APOBEC3C: variants seen among roughly 807,000 people sequenced by gnomAD.
APOBEC3C encodes the protein apolipoprotein B mRNA editing enzyme catalytic subunit 3C.
APOBEC3C carries 14 observed loss-of-function variants against 20.6 expected under a neutral mutation model. That is an observed-to-expected ratio of 0.68 (90% CI 0.45 to 1.06). The LOEUF (loss-of-function observed/expected upper bound fraction) is 1.06, where lower values mean the gene tolerates loss of function less well. Ranked by LOEUF, APOBEC3C falls within the 50% of genes least tolerant of loss-of-function variation. The pLI is 0.00. For synonymous variants in APOBEC3C, 98 were observed against 88.8 expected (o/e 1.10, Z -0.58); for missense variants, 244 against 241.9 (o/e 1.01, Z -0.06).
Position 39,017,853 on chromosome 22 carries a change from G to T in APOBEC3C, c.262G>T (p.Val88Phe). 6.2e-7 allele frequency: 1 copy of T among 1,614,120 alleles called. No homozygotes were observed. The highest frequency in any genetic ancestry group is 8.5e-7 in the Non-Finnish European group (1 of 1,180,008). ...ACTGTCTCCTAACACAAAGTACCAG[G>T]TCACCTGGTACACATCTTGGAGCCC... ...DILSPNTKYQ[V>F]TWYTSWSPCP... Residue 88 changes from valine to phenylalanine, a missense_variant, in exon 3 of 4, where the codon GTC (valine) becomes TTC (phenylalanine). Val to Phe is a conservative substitution (Grantham distance 50, BLOSUM62 -1). Coordinates refer to ENST00000361441, the MANE Select transcript of APOBEC3C (RefSeq NM_014508.3).
chr22:39,015,092 G>C (rs1924733232), intron 1 of APOBEC3C, among the ~76,000 whole-genome samples: 1 of 152,158 alleles, frequency 6.6e-6, no homozygotes. Flanking sequence ...GTGGTCAGGA[G>C]TTTGAGACCA....
intron 1 of APOBEC3C, among the ~76,000 whole-genome samples, chr22:39,015,293 TAAAAAAAA>T (rs531167782): frequency 7.6e-6 from 1 of 131,964 alleles, no homozygotes; most frequent in African/African-American, 2.7e-5. Context: ...ATGCCGTCTT[TAAAAAAAA>T]AAAAAAAAAA....
Position 39,017,781 on chromosome 22 carries a change from C to T in APOBEC3C, c.190C>T (p.His64Tyr), listed in dbSNP as rs1691299704. ...VFRNQVDSET[H>Y]CHAERCFLSW... The stretch of plus-strand genomic sequence containing the variant: ...CCTTCGCCAGGTGGATTCTGAGACC[C>T]ATTGTCATGCAGAAAGGTGCTTCCT... The change falls in exon 3 of 4, where the codon CAT (histidine) becomes TAT (tyrosine). Residue 64 changes from histidine (H) to tyrosine (Y), a missense_variant. Transcript: ENST00000361441. The T allele has an allele frequency of 1.1e-5, 18 of 1,613,360 alleles. No homozygotes were observed. The highest frequency in any genetic ancestry group is 1.4e-5 in the Non-Finnish European group (16 of 1,179,320).
rs754698211 is a variant in APOBEC3C, at chr22:39,019,899, G to A, written c.*1512G>A. 7.5e-6 allele frequency: 1 copy of A among 133,298 alleles called. No homozygotes were observed. The highest frequency in any genetic ancestry group is 1.5e-5 in the Non-Finnish European group (1 of 65,252). The allele number at this position is 133,298 out of a possible 1,614,324, so 8.3% of individuals were successfully genotyped here. On this transcript the variant is annotated 3_prime_UTR_variant, in exon 4 of 4. Transcript: ENST00000361441. ...GGACTCACTGCAACCTCCGCCTCCC[G>A]AGTTTAAGCGATTCTTCTGCTTCAG...
intron 2 of APOBEC3C, among the ~76,000 whole-genome samples, chr22:39,016,222 C>T (rs1401876503): frequency 7.4e-5 from 3 of 40,594 alleles, no homozygotes; most frequent in Admixed American, 5.6e-4. Context: ...TATTTTGAGA[C>T]GGAGTCTTGC....
rs201889908 is a variant in APOBEC3C, at chr22:39,018,349, C to A, written c.535C>A (p.Arg179=). The part of the protein sequence containing the change: ...KPWKGLKTNF[R]LLKRRLRESL... ...TTGGAAGGGATTAAAAACCAACTTT[C>A]GACTTCTGAAAAGAAGGCTACGGGA... Residue 179 remains arginine, a synonymous_variant, in exon 4 of 4, where the codon CGA becomes AGA. Transcript: ENST00000361441. 55 of 1,614,110 alleles carry A rather than the reference C, an allele frequency of 3.4e-5. No homozygotes were observed. The East Asian group carries it at 9.1e-4, about 27-fold the overall frequency.
rs1160911095 is a variant in APOBEC3C, at chr22:39,018,497, C to T, written c.*110C>T. 58 of 1,322,578 alleles carry T rather than the reference C, an allele frequency of 4.4e-5. No homozygotes were observed. The East Asian group carries it at 1.3e-3, about 29-fold the overall frequency. 81.9% of individuals were successfully genotyped at this position (1,322,578 alleles called of 1,614,324 possible). On this transcript the variant is annotated 3_prime_UTR_variant, in exon 4 of 4. Transcript: ENST00000361441. The stretch of plus-strand genomic sequence containing the variant: ...GTTTCTGCCTGGTCATCCTGAGCCC[C>T]TCCTGGCCTCAGGGCCATTCCACAG...
At chr22:39,014,877 TCCA>T (rs1924726740) in intron 1 of APOBEC3C, among the ~76,000 whole-genome samples, 1 of 152,158 alleles carries the variant, frequency 6.6e-6, no homozygotes, top group African/African-American at 2.4e-5. Flanking sequence ...CAAAGATGCC[TCCA>T]CTGTGAGCAG....
chr22:39,014,372 C>G lies in APOBEC3C; in HGVS notation c.10C>G (p.Gln4Glu). The G allele has an allele frequency of 6.2e-7, 1 of 1,614,208 alleles. No homozygotes were observed. Among genetic ancestry groups the G allele is most frequent in the Non-Finnish European group, 8.5e-7 (1 of 1,180,028 alleles). Reference sequence around the variant, plus strand: ...ATCTAAGAGGCTGAACATGAATCCACAGATCAGGTACCTCTGCACGCTTTG... The same window carrying G: ...ATCTAAGAGGCTGAACATGAATCCAGAGATCAGGTACCTCTGCACGCTTTG... MNP[Q>E]IRNPMKAMYP... is the part of the protein sequence containing the mutation. The change falls in exon 1 of 4, where the codon CAG becomes GAG. Residue 4 changes from glutamine to glutamate, a missense_variant. Coordinates refer to ENST00000361441, the MANE Select transcript of APOBEC3C (RefSeq NM_014508.3).
Position 39,018,663 on chromosome 22 carries a change from C to T in APOBEC3C, c.*276C>T, listed in dbSNP as rs1402002459. The T allele has an allele frequency of 9.8e-6, 3 of 305,200 alleles. No homozygotes were observed. Among genetic ancestry groups the T allele is most frequent in the Non-Finnish European group, 1.8e-5 (3 of 162,532 alleles). The allele number at this position is 305,200 out of a possible 1,614,324, so 18.9% of individuals were successfully genotyped here. A position where few individuals can be genotyped will look rare whatever the true frequency, so the allele number is the denominator to read the frequency against. ...GCCCCTAACCTGGCTTTTCCCATCTCCCCAGCATAACCAAATCTTACTAAA... is the reference window on the plus strand; with the variant it reads ...GCCCCTAACCTGGCTTTTCCCATCTTCCCAGCATAACCAAATCTTACTAAA... On this transcript the variant is annotated 3_prime_UTR_variant, in exon 4 of 4. Coordinates refer to ENST00000361441, the MANE Select transcript of APOBEC3C (RefSeq NM_014508.3).
chr22:39,017,008 C>T (rs1475820130), intron 2 of APOBEC3C, among the ~76,000 whole-genome samples: 2 of 151,956 alleles, frequency 1.3e-5, no homozygotes, highest in Non-Finnish European at 2.9e-5. Flanking sequence ...CTGAGGCAGG[C>T]GGATCATGAG....
rs1924887616 is a variant in APOBEC3C at position 39,018,473 on chromosome 22, T to C, written c.*86T>C. The C allele has an allele frequency of 6.7e-7, 1 of 1,488,304 alleles. No individual in the cohort carries two copies. The highest frequency in any genetic ancestry group is 9.1e-7 in the Non-Finnish European group (1 of 1,095,924). The allele number at this position is 1,488,304 out of a possible 1,614,324, so 92.2% of individuals were successfully genotyped here. The stretch of plus-strand genomic sequence containing the variant: ...TCCCCTCCACCCTGGACCCGCTCTG[T>C]TTCTGCCTGGTCATCCTGAGCCCCT... On this transcript the variant is annotated 3_prime_UTR_variant, in exon 4 of 4. Transcript: ENST00000361441.
At chr22:39,018,097 G>T (rs1023189231) in intron 3 of APOBEC3C, 52 bp downstream of exon 3, 15 of 1,599,848 alleles carry the variant, frequency 9.4e-6, no homozygotes, top group Non-Finnish European at 1.2e-5. Flanking sequence ...AGCATGAGGG[G>T]CAGATGGTTC....
rs372746329 is a variant in APOBEC3C, at chr22:39,017,761, G to A, written c.175-5G>A. 8.1e-6 allele frequency: 13 copies of A among 1,611,010 alleles called. No individual in the cohort carries two copies. Among genetic ancestry groups the A allele is most frequent in the Middle Eastern group, 1.7e-4 (1 of 6,048 alleles). ...TCCCCTGTCCTCCTCCTCCTCCTTCGCCAGGTGGATTCTGAGACCCATTGT... is the reference window on the plus strand; with the variant it reads ...TCCCCTGTCCTCCTCCTCCTCCTTCACCAGGTGGATTCTGAGACCCATTGT... On this transcript the variant is annotated splice_region_variant and splice_polypyrimidine_tract_variant and intron_variant, in intron 2 of 3. Coordinates refer to ENST00000361441, the MANE Select transcript of APOBEC3C (RefSeq NM_014508.3).
chr22:39,016,078 A>C (rs1048044574), intron 2 of APOBEC3C, among the ~76,000 whole-genome samples: 1 of 151,484 alleles, frequency 6.6e-6, no homozygotes, highest in African/African-American at 2.4e-5. Context: ...GGATTTTGCC[A>C]TGTTGGCCAG....
Position 39,018,341 on chromosome 22 carries a change from C to A in APOBEC3C, c.527C>A (p.Thr176Asn). Residue 176 changes from threonine to asparagine, a missense_variant, in exon 4 of 4, where the codon ACC becomes AAC. By Grantham distance (65) the Thr-to-Asn change is moderately conservative. Coordinates refer to ENST00000361441, the MANE Select transcript of APOBEC3C (RefSeq NM_014508.3). Reference protein sequence around the residue: ...EPFKPWKGLKTNFRLLKRRLR... With the variant: ...EPFKPWKGLKNNFRLLKRRLR... ...TTCAAGCCTTGGAAGGGATTAAAAA[C>A]CAACTTTCGACTTCTGAAAAGAAGG... The A allele has an allele frequency of 6.2e-7, 1 of 1,614,144 alleles. No homozygotes were observed. The highest frequency in any genetic ancestry group is 8.5e-7 in the Non-Finnish European group (1 of 1,180,010).
chr22:39,015,477 G>T, intron 1 of APOBEC3C, 118 bp from the exon 2 acceptor site: 1 of 1,186,230 alleles, frequency 8.4e-7, no homozygotes. Flanking sequence ...CAGGGCTGTG[G>T]AGGGATGGGG....
Position 39,015,760 on chromosome 22 carries a change from A to G in APOBEC3C, c.174+9A>G, listed in dbSNP as rs1348581431. 1 of 1,613,086 alleles carries G rather than the reference A, an allele frequency of 6.2e-7. No individual in the cohort carries two copies. Among genetic ancestry groups the G allele is most frequent in the Non-Finnish European group, 8.5e-7 (1 of 1,179,674 alleles). On this transcript the variant is annotated intron_variant, in intron 2 of 3. Transcript: ENST00000361441. ...GCGTCTTCCGAAACCAGGTAGCACCAAAGTCCTAGTTACACCCTAAATAGG... is the reference window on the plus strand; with the variant it reads ...GCGTCTTCCGAAACCAGGTAGCACCGAAGTCCTAGTTACACCCTAAATAGG...
rs190584955 is a variant in APOBEC3C, at chr22:39,015,069, G to A, written c.18-526G>A. Among the ~76,000 whole-genome samples the A allele has an allele frequency of 7.6e-3, 1,151 of 152,074 alleles. 14 individuals are homozygous for A. Among genetic ancestry groups the A allele is most frequent in the African/African-American group, 0.026 (1,096 of 41,474 alleles). On this transcript the variant is annotated intron_variant, in intron 1 of 3. Transcript: ENST00000361441. ...TCCTAGCACTTTGGGAGGCTGAGGC[G>A]GGCGGGTCACTTGTGGTCAGGAGTT...
Sources: allele counts gnomAD v4.1 joint callset (sites outside exome capture counted in the v4.1 genomes callset), GRCh38; gene constraint gnomAD v4.1.1; transcripts MANE v1.5; gene names NCBI Gene and HGNC (gene_info 2026-07-23, HGNC 2026-07-21).